The following CEP152 variants were observed in gnomAD, a reference collection of about 807,000 sequenced individuals.
CEP152 encodes the protein centrosomal protein of 152 kDa.
In CEP152, 132 loss-of-function variants were observed where a neutral mutation model predicts 188.9. The observed-to-expected ratio is 0.70, with a 90% CI of 0.61 to 0.81. CEP152 has a LOEUF of 0.81. Ranked by LOEUF, CEP152 falls within the 30% of genes least tolerant of loss-of-function variation. CEP152 has a pLI of 0.00. For synonymous variants in CEP152, 649 were observed against 666.6 expected (o/e 0.97, Z 0.41); for missense variants, 1,914 against 1,969.8 (o/e 0.97, Z 0.54).
At chr15:48,808,295 C>G (rs1338329505) in intron 1 of CEP152, among the ~76,000 whole-genome samples, 8 of 149,426 alleles carry the variant, frequency 5.4e-5, no homozygotes, top group Non-Finnish European at 8.9e-5. Flanking sequence ...AATCCAAAAG[C>G]CATAAAGAAA....
At position 48,796,293 on chromosome 15, in the gene CEP152, C is replaced by T. The variant is rs200006981; in HGVS notation, c.541-133G>A. The T allele has an allele frequency of 6.8e-3, 773 of 113,818 alleles. 1 individual carries two copies. Among genetic ancestry groups the T allele is most frequent in the East Asian group, 0.067 (167 of 2,488 alleles). The allele number at this position is 113,818 out of a possible 1,614,324, so 7.1% of individuals were successfully genotyped here. On this transcript the variant is annotated intron_variant, in intron 5 of 26. Coordinates refer to ENST00000380950, the MANE Select transcript of CEP152 (RefSeq NM_001194998.2). ...GTTCAAAGTTGTTTATATATATACACACACACACACACACACACACACACA... is the reference window on the plus strand; with the variant it reads ...GTTCAAAGTTGTTTATATATATACATACACACACACACACACACACACACA...
At chr15:48,805,957 A>G (rs989845265) in intron 1 of CEP152, among the ~76,000 whole-genome samples, 1 of 152,346 alleles carries the variant, frequency 6.6e-6, no homozygotes, top group African/African-American at 2.4e-5. Context: ...GATGACAATA[A>G]TAATAAACTA....
chr15:48,782,221 T>G lies in CEP152; in HGVS notation c.1331A>C (p.Gln444Pro). 6.2e-7 allele frequency: 1 copy of G among 1,613,810 alleles called. No homozygotes were observed. Among genetic ancestry groups the G allele is most frequent in the Non-Finnish European group, 8.5e-7 (1 of 1,179,794 alleles). The change falls in exon 11 of 27, where the codon CAA (glutamine) becomes CCA (proline). Residue 444 changes from glutamine (Q) to proline (P), a missense_variant. Gln to Pro is a moderately conservative substitution (Grantham distance 76). Transcript: ENST00000380950. Reference sequence around the variant, plus strand: ...CTGGAACTGTAGCTGAGCCACCTCTTGTACTGACCCTGCAGAGGAAAGAAC... The same window carrying G: ...CTGGAACTGTAGCTGAGCCACCTCTGGTACTGACCCTGCAGAGGAAAGAAC... ...CAHLLQSGSVQEVAQLQFQLQ... is the reference protein window; with the variant it reads ...CAHLLQSGSVPEVAQLQFQLQ...
rs1595600626 is a variant in CEP152, at chr15:48,748,597, G to A, written c.3480C>T (p.Val1160=). 3 of 1,483,648 alleles carry A rather than the reference G, an allele frequency of 2.0e-6. No homozygotes were observed. The highest frequency in any genetic ancestry group is 2.7e-6 in the Non-Finnish European group (3 of 1,122,748). 91.9% of individuals were successfully genotyped at this position (1,483,648 alleles called of 1,614,324 possible). ...CACAGCATAAATCCTTAATTTCAAG[G>A]ACCTTTTTCTTATCTGCAAAAATTA... ...ATEAEADKKK[V]LEIKDLCCGH... The change falls in exon 22 of 27, where the codon GTC becomes GTT. Residue 1160 remains valine, a synonymous_variant. Transcript: ENST00000380950.
chr15:48,732,602 C>T (rs963823065), intron 2 of CEP152, among the ~76,000 whole-genome samples: 2 of 150,300 alleles, frequency 1.3e-5, no homozygotes, highest in African/African-American at 4.9e-5. Flanking sequence ...GTGCAGCAAA[C>T]CACCATGGCA....
At position 48,797,430 on chromosome 15, in the gene CEP152, T is replaced by C. The variant is rs770232489; in HGVS notation, c.411A>G (p.Lys137=). Residue 137 remains lysine, a synonymous_variant, in exon 5 of 27, where the codon AAA becomes AAG. Coordinates refer to ENST00000380950, the MANE Select transcript of CEP152 (RefSeq NM_001194998.2). ...GGTGATATAAATCAGTCTGTTCACA[T>C]TTACTTGGAGGACTATAACCACTTC... is the stretch of plus-strand genomic sequence containing the variant. ...EGGSGYSPPS[K]CEQTDLYHLP... 15 of 1,614,064 alleles carry C rather than the reference T, an allele frequency of 9.3e-6. No individual in the cohort carries two copies. The highest frequency in any genetic ancestry group is 2.2e-5 in the East Asian group (1 of 44,890).
intron 2 of CEP152, among the ~76,000 whole-genome samples, chr15:48,730,645 C>T (rs561038989): frequency 2.0e-5 from 3 of 152,124 alleles, no homozygotes; most frequent in African/African-American, 4.8e-5. Context: ...AGGATGAAGA[C>T]CTACTGACTC....
chr15:48,801,111 T>C (rs1897641630), intron 2 of CEP152, among the ~76,000 whole-genome samples: 1 of 152,200 alleles, frequency 6.6e-6, no homozygotes, highest in Non-Finnish European at 1.5e-5. Context: ...GGGTAGCAAA[T>C]GGAATACCTA....
chr15:48,783,796 T>C (rs1017314936), intron 10 of CEP152, 177 bp downstream of exon 10: 1 of 226,664 alleles, frequency 4.4e-6, no homozygotes, highest in African/African-American at 2.4e-5. Context: ...TATATGTATA[T>C]ATATATATAT....
chr15:48,754,860 A>C (rs1894145430), intron 20 of CEP152, among the ~76,000 whole-genome samples: 1 of 152,168 alleles, frequency 6.6e-6, no homozygotes, highest in Non-Finnish European at 1.5e-5. Context: ...TCGAATATGG[A>C]ACTGAAACTC....
At chr15:48,764,013 A>T (rs1038460611) in intron 17 of CEP152, among the ~76,000 whole-genome samples, 1 of 152,206 alleles carries the variant, frequency 6.6e-6, no homozygotes, top group Non-Finnish European at 1.5e-5. Context: ...TTGGGTCGAA[A>T]AGTCAAGAGG....
At chr15:48,767,950 G>A (rs1207350603) in intron 15 of CEP152, among the ~76,000 whole-genome samples, 1 of 151,990 alleles carries the variant, frequency 6.6e-6, no homozygotes, top group Non-Finnish European at 1.5e-5. Flanking sequence ...TCCCAGACGA[G>A]TCTTTAAAAA....
intron 20 of CEP152, among the ~76,000 whole-genome samples, chr15:48,754,066 C>G (rs940565440): frequency 2.0e-5 from 3 of 152,080 alleles, no homozygotes; most frequent in African/African-American, 7.2e-5. Context: ...ATAGCTTTAC[C>G]TCAAGGTCCT....
At chr15:48,771,515 A>C (rs1191582831) in intron 13 of CEP152, among the ~76,000 whole-genome samples, 1 of 152,216 alleles carries the variant, frequency 6.6e-6, no homozygotes, top group Non-Finnish European at 1.5e-5. Flanking sequence ...TATTTTAACT[A>C]GATTTTAGAG....
intron 12 of CEP152, among the ~76,000 whole-genome samples, chr15:48,779,912 T>C (rs1454372053): frequency 3.3e-5 from 5 of 152,252 alleles, no homozygotes; most frequent in Non-Finnish European, 7.3e-5. Flanking sequence ...GGATCATAAC[T>C]GTGGACATTT....
At chr15:48,774,412 T>A (rs1895751423) in intron 12 of CEP152, among the ~76,000 whole-genome samples, 2 of 151,986 alleles carry the variant, frequency 1.3e-5, no homozygotes, top group Admixed American at 1.3e-4. Flanking sequence ...CCAGCATACA[T>A]CACACCAATG....
At chr15:48,790,881 T>C (rs1315299392) in intron 8 of CEP152, among the ~76,000 whole-genome samples, 1 of 152,220 alleles carries the variant, frequency 6.6e-6, no homozygotes, top group Non-Finnish European at 1.5e-5. Context: ...ACTTTCATTT[T>C]TAACCCTGCC....
intron 17 of CEP152, 143 bp downstream of exon 17, chr15:48,766,917 A>T: frequency 1.0e-6 from 1 of 997,698 alleles, no homozygotes; most frequent in Non-Finnish European, 1.6e-6. Flanking sequence ...TGTGAGCTAT[A>T]TGAGTGTGAT....
intron 22 of CEP152, among the ~76,000 whole-genome samples, chr15:48,745,444 T>A (rs1893333194): frequency 7.4e-6 from 1 of 135,556 alleles, no homozygotes; most frequent in Non-Finnish European, 1.5e-5. Context: ...TTTTCAATTC[T>A]TTGAACTTTG....
Sources: gnomAD v4.1 joint callset for allele counts (sites outside exome capture counted in the v4.1 genomes callset) on GRCh38, gnomAD v4.1.1 for gene constraint, MANE v1.5 for transcripts, NCBI Gene and HGNC (gene_info 2026-07-23, HGNC 2026-07-21) for gene names.